The following FAHD1 variants were observed in gnomAD, a reference collection of about 807,000 sequenced individuals.
FAHD1 encodes the protein oxaloacetate tautomerase FAHD1, mitochondrial.
A neutral mutation model predicts 12.7 loss-of-function variants in FAHD1; 14 were observed. The ratio of observed to expected loss-of-function variants is 1.10; its 90% CI spans 0.73 to 1.72. FAHD1 has a LOEUF of 1.72. Ranked by LOEUF, FAHD1 falls within the 40% of genes most tolerant of loss-of-function variation. The pLI is 0.00. For synonymous variants in FAHD1, 153 were observed against 124.9 expected (o/e 1.22, Z -1.50); for missense variants, 351 against 298.9 (o/e 1.17, Z -1.29).
intron 1 of FAHD1, chr16:1,837,978 G>T: frequency 6.9e-7 from 1 of 1,442,954 alleles, no homozygotes; most frequent in Non-Finnish European, 9.2e-7. Context: ...AATTTTATTT[G>T]CAGTAATTAC....
chr16:1,828,273 T>TAAAA, exon 1 of FAHD1: 1 of 215,902 alleles, frequency 4.6e-6, no homozygotes, highest in South Asian at 2.3e-4. Context: ...AGACTCCGTC[T>TAAAA]CAAAAAAAAA....
downstream of FAHD1, among the ~76,000 whole-genome samples, chr16:1,830,374 A>G (rs1413870954): frequency 6.6e-6 from 1 of 152,244 alleles, no homozygotes; most frequent in African/African-American, 2.4e-5. Flanking sequence ...CATAAGTGGA[A>G]GAGTTGGATC....
downstream of FAHD1, among the ~76,000 whole-genome samples, chr16:1,830,112 C>T (rs1019188727): frequency 6.6e-6 from 1 of 152,258 alleles, no homozygotes. Context: ...ATCCACCCGC[C>T]TGGGCGTCCC....
At chr16:1,827,893 C>A (rs780948061) in exon 1 of FAHD1, 2 of 1,612,708 alleles carry the variant, frequency 1.2e-6, no homozygotes, top group East Asian at 2.2e-5. Context: ...AGTGGAAAAG[C>A]CAGAATATTG....
downstream of FAHD1, among the ~76,000 whole-genome samples, chr16:1,830,986 ACT>A (rs1235703426): frequency 6.7e-6 from 1 of 148,898 alleles, no homozygotes; most frequent in Non-Finnish European, 1.5e-5. Flanking sequence ...CTGCAGAAAG[ACT>A]CTTCCCTTTC....
At chr16:1,838,546 G>A (rs542543822) in intron 2 of FAHD1, among the ~76,000 whole-genome samples, 9 of 152,252 alleles carry the variant, frequency 5.9e-5, no homozygotes, top group East Asian at 1.9e-4. Context: ...AGGAGAAAAC[G>A]TGTAGCTGAC....
At chr16:1,834,155 TA>T in intron 1 of FAHD1, 1 of 682,078 alleles carries the variant, frequency 1.5e-6, no homozygotes, top group Non-Finnish European at 2.6e-6. Flanking sequence ...TCACCACATG[TA>T]AACAAAATGC....
chr16:1,839,119 G>T (rs368894113), intron 2 of FAHD1: 5 of 1,016,202 alleles, frequency 4.9e-6, no homozygotes, highest in East Asian at 5.4e-5. Context: ...TGTGTTTAAA[G>T]CAAGATGATT....
intron 1 of FAHD1, among the ~76,000 whole-genome samples, chr16:1,836,284 A>C (rs1391360220): frequency 1.3e-5 from 2 of 152,186 alleles, no homozygotes; most frequent in African/African-American, 2.4e-5. Flanking sequence ...ATATTTGTTA[A>C]AGCCACCTGG....
At chr16:1,838,854 G>A (rs1156306721) in intron 2 of FAHD1, among the ~76,000 whole-genome samples, 2 of 152,052 alleles carry the variant, frequency 1.3e-5, no homozygotes, top group Non-Finnish European at 2.9e-5. Context: ...ACCACACCCA[G>A]CTAATTTTTG....
chr16:1,838,090 G>A (rs956399534), exon 2 of FAHD1: 28 of 776,826 alleles, frequency 3.6e-5, no homozygotes, highest in Admixed American at 1.1e-4. Flanking sequence ...TCGAACTCCC[G>A]GGGTCAAGCA....
rs912896729 is a variant in FAHD1 at position 1,827,310 on chromosome 16, C to T, written c.72C>T (p.Tyr24=). The stretch of plus-strand genomic sequence containing the variant: ...ACATCGTCTGCGTGGGGAGGAACTA[C>T]GCGGACCACGTCAGGGAGATGCGCA... The change falls in exon 1 of 1, where the codon TAC becomes TAT. Residue 24 remains tyrosine, a synonymous_variant. Coordinates refer to ENST00000427358, the Ensembl canonical transcript of FAHD1. 1.9e-6 allele frequency: 3 copies of T among 1,613,122 alleles called. No homozygotes were observed. The East Asian group carries it at 6.7e-5, about 36-fold the overall frequency.
intron 1 of FAHD1, chr16:1,834,473 T>G: frequency 4.9e-6 from 3 of 613,746 alleles, no homozygotes; most frequent in Non-Finnish European, 8.7e-6. Flanking sequence ...ATGAAAGTTT[T>G]GTTTACAGAT....
downstream of FAHD1, among the ~76,000 whole-genome samples, chr16:1,830,880 A>C (rs1898607373): frequency 6.6e-6 from 1 of 150,872 alleles, no homozygotes. Context: ...CCCGCCATAT[A>C]TGTGTATATA....
chr16:1,828,810 T>G (rs1898567440), exon 1 of FAHD1: 1 of 997,140 alleles, frequency 1.0e-6, no homozygotes, highest in Admixed American at 6.1e-5. Context: ...GTAATGAAGA[T>G]TTCACCTGTT....
chr16:1,830,944 A>ACACACACACCCCCCACCCACC (rs57025691), downstream of FAHD1, among the ~76,000 whole-genome samples: 5 of 147,308 alleles, frequency 3.4e-5, no homozygotes, highest in African/African-American at 5.0e-5. Flanking sequence ...ACACACACAC[A>ACACACACACCCCCCACCCACC]CCCATATTTT....
chr16:1,836,965 A>G (rs12325141), intron 1 of FAHD1, among the ~76,000 whole-genome samples: 27,047 of 152,128 alleles, frequency 0.18, 2,566 homozygotes, highest in South Asian at 0.27. Context: ...GTTGAGAACC[A>G]TGAAGTGAAG....
downstream of FAHD1, among the ~76,000 whole-genome samples, chr16:1,833,514 G>A (rs1242835254): frequency 3.3e-5 from 5 of 149,930 alleles, no homozygotes; most frequent in South Asian, 4.2e-4. Context: ...GTCAGATGAC[G>A]AGTCACCACC....
At chr16:1,835,287 T>G (rs12325082) in intron 1 of FAHD1, among the ~76,000 whole-genome samples, 26,905 of 151,412 alleles carry the variant, frequency 0.18, 2,545 homozygotes, top group South Asian at 0.27. Context: ...GTATAACATA[T>G]GAAAAAGGGC....
Sources: allele counts gnomAD v4.1 joint callset (sites outside exome capture counted in the v4.1 genomes callset), GRCh38; gene constraint gnomAD v4.1.1; transcripts MANE v1.5; gene names NCBI Gene and HGNC (gene_info 2026-07-23, HGNC 2026-07-21).